Variants in SYNRG observed in about 807,000 individuals in gnomAD.
The protein encoded by SYNRG is synergin gamma.
In SYNRG, 37 loss-of-function variants were observed where a neutral mutation model predicts 130.9. The ratio of observed to expected loss-of-function variants is 0.28; its 90% CI spans 0.22 to 0.37. The LOEUF is 0.37. Ranked by LOEUF, SYNRG falls within the 10% of genes least tolerant of loss-of-function variation. SYNRG has a pLI of 1.00. For missense variants in SYNRG, 1,338 were observed against 1,588.9 expected (o/e 0.84, Z 2.68); for synonymous variants, 539 against 568.1 (o/e 0.95, Z 0.73).
intron 19 of SYNRG, among the ~76,000 whole-genome samples, chr17:37,535,142 G>T (rs2057070668): frequency 6.6e-6 from 1 of 151,900 alleles, no homozygotes; most frequent in Non-Finnish European, 1.5e-5. Flanking sequence ...AATATATAAG[G>T]TCAATAACCA....
At chr17:37,589,808 A>G (rs1269700614) in intron 3 of SYNRG, among the ~76,000 whole-genome samples, 1 of 151,958 alleles carries the variant, frequency 6.6e-6, no homozygotes, top group Non-Finnish European at 1.5e-5. Flanking sequence ...ACAATGGAAC[A>G]TAATAAAATT....
intron 19 of SYNRG, among the ~76,000 whole-genome samples, chr17:37,523,837 T>C (rs2055466784): frequency 6.6e-6 from 1 of 152,098 alleles, no homozygotes; most frequent in Admixed American, 6.5e-5. Context: ...GGATGCCCCA[T>C]GCACTGTGGA....
chr17:37,571,885 A>G lies in SYNRG; in HGVS notation c.1004T>C (p.Leu335Pro), dbSNP rs752439699. 6.2e-7 allele frequency: 1 copy of G among 1,614,214 alleles called. No homozygotes were observed. The highest frequency in any genetic ancestry group is 1.1e-5 in the South Asian group (1 of 91,086). Residue 335 changes from leucine to proline, a missense_variant, in exon 9 of 22, where the codon CTT becomes CCT. Physicochemically the swap from Leu to Pro is moderately conservative, Grantham distance 98 (BLOSUM62 -3). Coordinates refer to ENST00000612223, the MANE Select transcript of SYNRG (RefSeq NM_007247.6). ...LMSSGLPRET[L>P]GQIWALANRT... is the part of the protein sequence containing the mutation. The stretch of plus-strand genomic sequence containing the variant: ...ATTAGCTAAGGCCCATATCTGTCCA[A>G]GAGTTTCCCTGGGAAGCCCAGATGA...
In SYNRG at chr17:37,597,120, C is replaced by T. The variant is rs182167029; in HGVS notation, c.119-776G>A. On this transcript the variant is annotated intron_variant, in intron 2 of 21. Coordinates refer to ENST00000612223, the MANE Select transcript of SYNRG (RefSeq NM_007247.6). ...CTTGCTCTGGAGCAAGCCACTGCCA[C>T]GTCATGAAATACTCAATAAGACCTA... is the stretch of plus-strand genomic sequence containing the variant. 1.1e-4 allele frequency among the ~76,000 whole-genome samples: 17 copies of T among 152,276 alleles called. No homozygotes were observed. The East Asian group carries it at 3.1e-3, about 28-fold the overall frequency.
At chr17:37,549,645 C>A (rs1037407546) in intron 14 of SYNRG, among the ~76,000 whole-genome samples, 4 of 152,130 alleles carry the variant, frequency 2.6e-5, no homozygotes, top group African/African-American at 9.7e-5. Flanking sequence ...GGCTGGAGTG[C>A]AGTGATGTGA....
Position 37,520,417 on chromosome 17 carries a change from T to C in SYNRG, c.3777+121A>G, listed in dbSNP as rs546831412. ...TGTGTCTGCTCCTACCATCAGCTTT[T>C]AGGACTTGAGAAAATCCCCACCTCT... On this transcript the variant is annotated intron_variant, in intron 20 of 21. Coordinates refer to ENST00000612223, the MANE Select transcript of SYNRG (RefSeq NM_007247.6). The C allele has an allele frequency of 3.5e-5, 40 of 1,145,780 alleles. No individual in the cohort carries two copies. In the African/African-American group the frequency reaches 5.7e-4, roughly 16 times the overall value. 71.0% of individuals were successfully genotyped at this position (1,145,780 alleles called of 1,614,324 possible). A position where few individuals can be genotyped will look rare whatever the true frequency, so the allele number is the denominator to read the frequency against.
intron 8 of SYNRG, among the ~76,000 whole-genome samples, chr17:37,573,155 G>A (rs1387546555): frequency 6.6e-6 from 1 of 152,148 alleles, no homozygotes; most frequent in Non-Finnish European, 1.5e-5. Context: ...TGTAATCCCA[G>A]TGCTTTGGGA....
chr17:37,532,198 A>C (rs147985211), intron 19 of SYNRG, among the ~76,000 whole-genome samples: 444 of 152,344 alleles, frequency 2.9e-3, no homozygotes, highest in Non-Finnish European at 4.8e-3. Flanking sequence ...TCAGATAAAG[A>C]AGAAAAGATG....
chr17:37,543,416 T>C (rs566167928), intron 14 of SYNRG, among the ~76,000 whole-genome samples: 5 of 152,178 alleles, frequency 3.3e-5, no homozygotes, highest in African/African-American at 1.2e-4. Context: ...ATTTAAGAGG[T>C]AGCATAAAAC....
At chr17:37,582,027 T>C (rs1598497883) in intron 6 of SYNRG, among the ~76,000 whole-genome samples, 1 of 152,136 alleles carries the variant, frequency 6.6e-6, no homozygotes, top group African/African-American at 2.4e-5. Context: ...CCTCCCAAAG[T>C]GCTGGGATTA....
intron 1 of SYNRG, 158 bp from the exon 2 acceptor site, chr17:37,600,561 A>G (rs758219557): frequency 2.2e-5 from 17 of 760,660 alleles, no homozygotes; most frequent in Non-Finnish European, 4.0e-5. Flanking sequence ...CTGAGCATCC[A>G]TAGGATGCAT....
In SYNRG at chr17:37,542,038, T is replaced by C. The variant is rs148126739; in HGVS notation, c.3136A>G (p.Ser1046Gly). 1.0e-4 allele frequency: 168 copies of C among 1,614,250 alleles called. No individual in the cohort carries two copies. The highest frequency in any genetic ancestry group is 1.4e-4 in the Non-Finnish European group (164 of 1,180,040). Reference protein sequence around the residue: ...KFDFLVATSQSKMKSSEEMIK... With the variant: ...KFDFLVATSQGKMKSSEEMIK... ...ATTTCTTCACTGGATTTCATTTTGC[T>C]TTGTGAAGTGGCTACTAAGAAGTCA... Residue 1046 changes from serine to glycine, a missense_variant, in exon 15 of 22, where the codon AGC becomes GGC. Around this residue, in one of 3 missense-constraint regions of SYNRG, gnomAD observed 1,146 missense variants for 1,342.3 expected, o/e 0.85. Transcript: ENST00000612223.
chr17:37,598,384 G>A (rs11869190), intron 2 of SYNRG, among the ~76,000 whole-genome samples: 7,827 of 152,258 alleles, frequency 0.051, 712 homozygotes, highest in African/African-American at 0.18. Flanking sequence ...CAAAGATCAC[G>A]AGGTGTCAGG....
At chr17:37,528,560 T>C (rs758324799) in intron 19 of SYNRG, among the ~76,000 whole-genome samples, 1 of 152,174 alleles carries the variant, frequency 6.6e-6, no homozygotes, top group African/African-American at 2.4e-5. Context: ...AATGAAGCAA[T>C]AGTGTTAAGC....
In SYNRG at chr17:37,515,372, A is replaced by G. The variant is rs750165120; in HGVS notation, c.*3568T>C. The G allele has an allele frequency of 2.7e-5, 4 of 149,366 alleles. No individual in the cohort carries two copies. The highest frequency in any genetic ancestry group is 7.5e-5 in the African/African-American group (3 of 39,906). 9.3% of individuals were successfully genotyped at this position (149,366 alleles called of 1,614,324 possible). ...GCTGGAATGGTCTACAGCAGGCTAC[A>G]ATGCTCCCTTCTGAATGGCAAATGT... is the stretch of plus-strand genomic sequence containing the variant. On this transcript the variant is annotated 3_prime_UTR_variant, in exon 22 of 22. Coordinates refer to ENST00000612223, the MANE Select transcript of SYNRG (RefSeq NM_007247.6).
intron 6 of SYNRG, among the ~76,000 whole-genome samples, chr17:37,578,212 T>G (rs1041658808): frequency 6.6e-6 from 1 of 151,898 alleles, no homozygotes; most frequent in Non-Finnish European, 1.5e-5. Context: ...GCACCTGTAA[T>G]TTCAGCTACT....
intron 3 of SYNRG, among the ~76,000 whole-genome samples, chr17:37,590,143 G>A (rs1243011079): frequency 6.6e-6 from 1 of 151,116 alleles, no homozygotes; most frequent in Non-Finnish European, 1.5e-5. Context: ...ATTCCAGCCT[G>A]GGCGACAGGG....
chr17:37,604,329 A>G (rs754741821), intron 1 of SYNRG, among the ~76,000 whole-genome samples: 48 of 152,072 alleles, frequency 3.2e-4, no homozygotes, highest in Non-Finnish European at 7.4e-5. Context: ...TAAAGCTTCT[A>G]CATCAGCACT....
chr17:37,533,584 T>C (rs1348660289), intron 19 of SYNRG, among the ~76,000 whole-genome samples: 1 of 150,632 alleles, frequency 6.6e-6, no homozygotes, highest in Non-Finnish European at 1.5e-5. Context: ...TTTCTTTTCT[T>C]TTTCTTTTTT....
Sources: allele counts gnomAD v4.1 joint callset (sites outside exome capture counted in the v4.1 genomes callset), GRCh38; gene constraint gnomAD v4.1.1; regional missense constraint gnomAD v4.1.1; transcripts MANE v1.5; gene names NCBI Gene and HGNC (gene_info 2026-07-23, HGNC 2026-07-21).